FSHR: variants seen among roughly 807,000 people sequenced by gnomAD.
FSHR encodes the protein follicle-stimulating hormone receptor.
Under a neutral mutation model 52.1 loss-of-function variants are expected in FSHR, and 46 were observed. That is an observed-to-expected ratio of 0.88 (90% CI 0.70 to 1.13). The LOEUF is 1.13. Among genes scored for constraint, FSHR ranks in the 50% most tolerant of loss-of-function variants. FSHR has a pLI of 0.00. For missense variants in FSHR, 964 were observed against 834.6 expected, an observed-to-expected ratio of 1.16 and a Z score of -1.91; for synonymous variants, 399 against 309.6, an observed-to-expected ratio of 1.29 and a Z score of -3.03.
intron 8 of FSHR, among the ~76,000 whole-genome samples, chr2:48,982,460 T>C (rs1025357171): frequency 3.3e-5 from 5 of 152,196 alleles, no homozygotes; most frequent in African/African-American, 1.2e-4. Flanking sequence ...TGTGCTTTCC[T>C]TTCCAGGGAA....
At chr2:48,999,626 G>A (rs1002621265) in intron 4 of FSHR, among the ~76,000 whole-genome samples, 2 of 152,028 alleles carry the variant, frequency 1.3e-5, no homozygotes, top group Non-Finnish European at 2.9e-5. Flanking sequence ...TAGAAACTGA[G>A]CATTTCTCTA....
At chr2:49,092,831 A>T (rs1331013687) in intron 1 of FSHR, among the ~76,000 whole-genome samples, 3 of 151,700 alleles carry the variant, frequency 2.0e-5, no homozygotes, top group African/African-American at 7.3e-5. Context: ...ATGCGCAGCT[A>T]TTTTTTCTAT....
At chr2:49,051,420 C>T (rs1029844288) in intron 2 of FSHR, among the ~76,000 whole-genome samples, 3 of 152,028 alleles carry the variant, frequency 2.0e-5, no homozygotes, top group African/African-American at 7.2e-5. Flanking sequence ...TTTTAAATTG[C>T]ATTTTGCTAA....
chr2:49,137,526 A>C (rs982150654), intron 1 of FSHR, among the ~76,000 whole-genome samples: 1 of 152,104 alleles, frequency 6.6e-6, no homozygotes, highest in Non-Finnish European at 1.5e-5. Context: ...GAGACTCTAA[A>C]TAGCTACCAT....
intron 2 of FSHR, among the ~76,000 whole-genome samples, chr2:49,063,790 G>A (rs1178358701): frequency 1.3e-5 from 2 of 152,032 alleles, no homozygotes; most frequent in Non-Finnish European, 2.9e-5. Context: ...ACAACAATTT[G>A]CTGTGTATTT....
At chr2:49,101,836 C>T (rs1412470715) in intron 1 of FSHR, among the ~76,000 whole-genome samples, 1 of 152,078 alleles carries the variant, frequency 6.6e-6, no homozygotes, top group Non-Finnish European at 1.5e-5. Flanking sequence ...TGATGAGGGC[C>T]TTCTTGCTGG....
chr2:49,000,998 G>A (rs1356849791), intron 4 of FSHR, among the ~76,000 whole-genome samples: 1 of 152,080 alleles, frequency 6.6e-6, no homozygotes, highest in Non-Finnish European at 1.5e-5. Context: ...GCACATACCT[G>A]ACAAAGGTAT....
At chr2:49,031,139 G>A (rs922349268) in intron 2 of FSHR, among the ~76,000 whole-genome samples, 2 of 152,138 alleles carry the variant, frequency 1.3e-5, no homozygotes, top group African/African-American at 2.4e-5. Context: ...AACTTAGAGA[G>A]TAGCAACACA....
At chr2:49,026,811 C>G (rs1667924417) in intron 2 of FSHR, among the ~76,000 whole-genome samples, 1 of 152,148 alleles carries the variant, frequency 6.6e-6, no homozygotes, top group African/African-American at 2.4e-5. Flanking sequence ...GTCACCATTT[C>G]TTAATCCCTG....
chr2:49,021,393 A>C (rs72827263), intron 2 of FSHR, among the ~76,000 whole-genome samples: 10,999 of 152,156 alleles, frequency 0.072, 816 homozygotes, highest in East Asian at 0.24. Context: ...CCTGAGGAAG[A>C]CTCTTATGCA....
chr2:49,029,153 C>T (rs755263454), intron 2 of FSHR, among the ~76,000 whole-genome samples: 14 of 152,162 alleles, frequency 9.2e-5, no homozygotes, highest in Non-Finnish European at 1.6e-4. Context: ...TTCCTCAAAA[C>T]GAAATCTATA....
chr2:49,083,660 C>A (rs28897393), intron 1 of FSHR, among the ~76,000 whole-genome samples: 39,878 of 143,656 alleles, frequency 0.28, 5,946 homozygotes, highest in East Asian at 0.49. Flanking sequence ...CTCTACCAAG[C>A]AAATGAAAAA....
intron 8 of FSHR, 84 bp from the exon 9 acceptor site, chr2:48,968,967 C>T (rs576022516): frequency 1.7e-6 from 2 of 1,190,180 alleles, no homozygotes; most frequent in African/African-American, 3.0e-5. Flanking sequence ...ATAGCAGACA[C>T]ACTAGTGATA....
intron 1 of FSHR, among the ~76,000 whole-genome samples, chr2:49,109,370 T>C (rs1185471221): frequency 6.6e-6 from 1 of 152,018 alleles, no homozygotes; most frequent in South Asian, 2.1e-4. Flanking sequence ...AGAGATGAAG[T>C]CTCATTTAAG....
In FSHR at chr2:49,068,230, G is replaced by A; in HGVS notation, c.213C>T (p.Asp71=). The part of the protein sequence containing the change: ...IQKGAFSGFG[D]LEKIEISQND... Reference sequence around the variant, plus strand: ...TGCTAGGTACATACATTTTCTCCAGGTCCCCAAATCCTGAAAATGCACCTT... The same window carrying A: ...TGCTAGGTACATACATTTTCTCCAGATCCCCAAATCCTGAAAATGCACCTT... Residue 71 remains aspartate, a synonymous_variant, in exon 2 of 10, where the codon GAC becomes GAT. Transcript: ENST00000406846. 1 of 1,610,298 alleles carries A rather than the reference G, an allele frequency of 6.2e-7. No individual in the cohort carries two copies. Among genetic ancestry groups the A allele is most frequent in the Non-Finnish European group, 8.5e-7 (1 of 1,178,296 alleles).
At position 49,119,536 on chromosome 2, in the gene FSHR, T is replaced by G. The variant is rs574344632; in HGVS notation, c.152+34730A>C. 6.6e-5 allele frequency among the ~76,000 whole-genome samples: 10 copies of G among 152,298 alleles called. No homozygotes were observed. In the South Asian group the frequency reaches 2.1e-3, roughly 32 times the overall value. The stretch of plus-strand genomic sequence containing the variant: ...TGAAAAATTTTTTTCTTTCCTTTTT[T>G]GCAATGGCGCATTTTAGATCCTTGG... On this transcript the variant is annotated intron_variant, in intron 1 of 9. Transcript: ENST00000406846.
intron 2 of FSHR, among the ~76,000 whole-genome samples, chr2:49,035,057 G>T (rs990063110): frequency 2.6e-5 from 4 of 152,212 alleles, no homozygotes; most frequent in African/African-American, 9.6e-5. Context: ...TGGCTACCCA[G>T]TGTCACATTC....
intron 4 of FSHR, among the ~76,000 whole-genome samples, chr2:49,017,131 G>C (rs1395455866): frequency 6.6e-6 from 1 of 152,208 alleles, no homozygotes; most frequent in Non-Finnish European, 1.5e-5. Flanking sequence ...TGCAGAATAA[G>C]AGAGACAATG....
At chr2:49,073,837 A>G (rs1669846019) in intron 1 of FSHR, among the ~76,000 whole-genome samples, 1 of 152,130 alleles carries the variant, frequency 6.6e-6, no homozygotes, top group African/African-American at 2.4e-5. Flanking sequence ...GCATGAAAAT[A>G]GAAACATAGA....
Sources: allele counts gnomAD v4.1 joint callset (sites outside exome capture counted in the v4.1 genomes callset), GRCh38; gene constraint gnomAD v4.1.1; transcripts MANE v1.5; gene names NCBI Gene and HGNC (gene_info 2026-07-23, HGNC 2026-07-21).